The following EXOC6B variants were observed in gnomAD, a reference collection of about 807,000 sequenced individuals.
EXOC6B encodes SEC15 homolog B.
In EXOC6B, 54 loss-of-function variants were observed where a neutral mutation model predicts 113.5. The ratio of observed to expected loss-of-function variants is 0.48; its 90% CI spans 0.38 to 0.60. EXOC6B has a LOEUF of 0.60. Among genes scored for constraint, EXOC6B ranks in the 20% least tolerant of loss-of-function variants. EXOC6B has a pLI of 0.00. For missense variants in EXOC6B, 797 were observed against 977.5 expected, an observed-to-expected ratio of 0.82 and a Z score of 2.46; for synonymous variants, 357 against 339.0, an observed-to-expected ratio of 1.05 and a Z score of -0.58.
At position 72,513,136 on chromosome 2, in the gene EXOC6B, T is replaced by C. The variant is rs764248141; in HGVS notation, c.1163A>G (p.His388Arg). The stretch of plus-strand genomic sequence containing the variant: ...TCCCTTGGGCTTCTTACATACCGAG[T>C]GGGTACGGAGTGCTGCGATGGTTTT... ...LSKTIAALRT[H>R]SSYCSDPNLV... The change falls in exon 11 of 22, where the codon CAC becomes CGC. Residue 388 changes from histidine (H) to arginine (R), a missense_variant. Physicochemically the swap from His to Arg is conservative, Grantham distance 29. Coordinates refer to ENST00000272427, the MANE Select transcript of EXOC6B (RefSeq NM_015189.3). The C allele has an allele frequency of 3.7e-6, 6 of 1,612,762 alleles. No homozygotes were observed. In the East Asian group the frequency reaches 1.3e-4, roughly 36 times the overall value.
At chr2:72,252,997 T>G (rs1683124204) in intron 20 of EXOC6B, among the ~76,000 whole-genome samples, 1 of 152,112 alleles carries the variant, frequency 6.6e-6, no homozygotes, top group African/African-American at 2.4e-5. Context: ...TATAAGGAAC[T>G]TGAATTTATA....
chr2:72,628,781 T>C (rs1166112722), intron 6 of EXOC6B, among the ~76,000 whole-genome samples: 3 of 152,168 alleles, frequency 2.0e-5, no homozygotes, highest in Non-Finnish European at 4.4e-5. Context: ...CTGTGAGCAA[T>C]ACATTTCTGT....
chr2:72,311,323 C>G (rs2104791766), intron 20 of EXOC6B, among the ~76,000 whole-genome samples: 2 of 152,226 alleles, frequency 1.3e-5, no homozygotes, highest in South Asian at 4.2e-4. Context: ...AATTCAGTTC[C>G]TTGCAGTTGT....
At chr2:72,606,032 T>G (rs371718487) in intron 6 of EXOC6B, among the ~76,000 whole-genome samples, 18 of 152,288 alleles carry the variant, frequency 1.2e-4, no homozygotes, top group African/African-American at 3.6e-4. Context: ...TTACTATACA[T>G]GTAATGCCCT....
intron 1 of EXOC6B, among the ~76,000 whole-genome samples, chr2:72,772,894 C>A (rs993340534): frequency 6.6e-6 from 1 of 151,866 alleles, no homozygotes. Flanking sequence ...AAACCATAAT[C>A]CCCCCACCCA....
rs566898667 is a variant in EXOC6B at position 72,582,779 on chromosome 2, C to T, written c.670-7111G>A. 1.4e-4 allele frequency among the ~76,000 whole-genome samples: 21 copies of T among 152,170 alleles called. No homozygotes were observed. In the South Asian group the frequency reaches 2.5e-3, roughly 18 times the overall value. On this transcript the variant is annotated intron_variant, in intron 6 of 21. Coordinates refer to ENST00000272427, the MANE Select transcript of EXOC6B (RefSeq NM_015189.3). The stretch of plus-strand genomic sequence containing the variant: ...CTCCAGCAATGGTTCCTAACCAAAA[C>T]GGAAATTTAAAATTTAGGGTTGGGG...
rs765380531 is a variant in EXOC6B, at chr2:72,731,011, T to C, written c.460A>G (p.Lys154Glu). 1 of 1,530,046 alleles carries C rather than the reference T, an allele frequency of 6.5e-7. No individual in the cohort carries two copies. Among genetic ancestry groups the C allele is most frequent in the Non-Finnish European group, 8.8e-7 (1 of 1,141,252 alleles). 94.8% of individuals were successfully genotyped at this position (1,530,046 alleles called of 1,614,324 possible). ...TCGATTAAAAAAAAATCTTACCTTT[T>C]AGTTTTCATCTGGTCCCTCAGTTTG... ...YSKLRDQMKT[K>E]RHYPALKTLE... Residue 154 changes from lysine (K) to glutamate (E), a missense_variant, in exon 5 of 22, where the codon AAA (lysine) becomes GAA (glutamate). Physicochemically the swap from Lys to Glu is moderately conservative, Grantham distance 56 (BLOSUM62 1). Transcript: ENST00000272427.
chr2:72,666,037 C>T (rs1675364431), intron 6 of EXOC6B, among the ~76,000 whole-genome samples: 2 of 152,096 alleles, frequency 1.3e-5, no homozygotes, highest in African/African-American at 4.8e-5. Flanking sequence ...GCAGGGATTG[C>T]TATTTTTATA....
chr2:72,633,438 T>C (rs139370473), intron 6 of EXOC6B, among the ~76,000 whole-genome samples: 108 of 152,266 alleles, frequency 7.1e-4, no homozygotes, highest in African/African-American at 2.6e-3. Context: ...TGCTGCTGTT[T>C]TAATATCACT....
At position 72,627,986 on chromosome 2, in the gene EXOC6B, G is replaced by A. The variant is rs569093932; in HGVS notation, c.670-52318C>T. Among the ~76,000 whole-genome samples, 164 of 152,220 alleles carry A rather than the reference G, an allele frequency of 1.1e-3. 1 individual carries two copies. The highest frequency in any genetic ancestry group is 6.8e-3 in the Middle Eastern group (2 of 294). ...TAGGGGTAGGATTTAGAAGCCATTT[G>A]AAGTGGAGAAATCACTTTTTAAATG... is the stretch of plus-strand genomic sequence containing the variant. On this transcript the variant is annotated intron_variant, in intron 6 of 21. Transcript: ENST00000272427.
intron 5 of EXOC6B, among the ~76,000 whole-genome samples, chr2:72,724,448 A>G (rs542628887): frequency 6.6e-6 from 1 of 152,304 alleles, no homozygotes; most frequent in South Asian, 2.1e-4. Flanking sequence ...CTGATCTGCA[A>G]TCAACTCACC....
At chr2:72,725,584 G>T (rs1452374114) in intron 5 of EXOC6B, among the ~76,000 whole-genome samples, 6 of 152,074 alleles carry the variant, frequency 3.9e-5, no homozygotes, top group Non-Finnish European at 5.9e-5. Context: ...TAGGGATGGG[G>T]TTTCACCATG....
intron 18 of EXOC6B, among the ~76,000 whole-genome samples, chr2:72,438,310 GAAA>G (rs775849981): frequency 7.2e-6 from 1 of 138,868 alleles, no homozygotes. Flanking sequence ...AATCTTTGTG[GAAA>G]AAAAAAAAAA....
At chr2:72,431,989 A>G (rs1695562222) in intron 18 of EXOC6B, among the ~76,000 whole-genome samples, 2 of 151,864 alleles carry the variant, frequency 1.3e-5, no homozygotes, top group Admixed American at 6.6e-5. Context: ...CCCTTTTTAT[A>G]GCTGCATAGT....
intron 16 of EXOC6B, among the ~76,000 whole-genome samples, chr2:72,481,036 G>A (rs1699056954): frequency 6.6e-6 from 1 of 152,158 alleles, no homozygotes; most frequent in African/African-American, 2.4e-5. Flanking sequence ...CATGGGGGCA[G>A]TTTCCCCCAT....
intron 8 of EXOC6B, among the ~76,000 whole-genome samples, chr2:72,523,876 G>A (rs1386202437): frequency 1.3e-5 from 2 of 151,930 alleles, no homozygotes; most frequent in African/African-American, 2.4e-5. Context: ...CATTGGTATG[G>A]GGTCTATTGG....
At chr2:72,425,595 T>TC (rs1695159628) in intron 18 of EXOC6B, among the ~76,000 whole-genome samples, 1 of 152,290 alleles carries the variant, frequency 6.6e-6, no homozygotes, top group Admixed American at 6.5e-5. Context: ...TTTTGCCAGT[T>TC]CTTTCTGAAC....
chr2:72,784,850 C>T (rs1684277868), intron 1 of EXOC6B, among the ~76,000 whole-genome samples: 1 of 152,102 alleles, frequency 6.6e-6, no homozygotes. Flanking sequence ...TATTCCTTCC[C>T]AACAGTCCCC....
chr2:72,583,597 C>T (rs575134801), intron 6 of EXOC6B, among the ~76,000 whole-genome samples: 1 of 152,288 alleles, frequency 6.6e-6, no homozygotes, highest in Admixed American at 6.5e-5. Flanking sequence ...ATTTGATATC[C>T]AGCCAATTAA....
Sources: gnomAD v4.1 joint callset for allele counts (sites outside exome capture counted in the v4.1 genomes callset) on GRCh38, gnomAD v4.1.1 for gene constraint, MANE v1.5 for transcripts, NCBI Gene and HGNC (gene_info 2026-07-23, HGNC 2026-07-21) for gene names.